The following OLA1 variants were observed in gnomAD, a reference collection of about 807,000 sequenced individuals.
The protein encoded by OLA1 is obg-like ATPase 1.
OLA1 carries 14 observed loss-of-function variants against 48.4 expected under a neutral mutation model. The observed-to-expected ratio is 0.29, with a 90% confidence interval of 0.19 to 0.45. The LOEUF (loss-of-function observed/expected upper bound fraction) is 0.45. Among genes scored for constraint, OLA1 ranks in the 20% least tolerant of loss-of-function variants. The pLI is 1.00. For synonymous variants in OLA1, 127 were observed against 150.4 expected, an observed-to-expected ratio of 0.84 and a Z score of 1.14; for missense variants, 325 against 467.1, an observed-to-expected ratio of 0.70 and a Z score of 2.80.
At chr2:174,151,789 C>T (rs983473375) in intron 4 of OLA1, among the ~76,000 whole-genome samples, 1 of 152,098 alleles carries the variant, frequency 6.6e-6, no homozygotes, top group African/African-American at 2.4e-5. Context: ...CTGGAAAATA[C>T]AAACTCCTAT....
At position 174,218,004 on chromosome 2, in the gene OLA1, C is replaced by CA. The variant is rs1688406348; in HGVS notation, c.373+5028_373+5029insT. ...TCATTCTTGAATCAGTATTCTCTTT[C>CA]TTTTTTTTTTAAAGAAGCAAAGTCT... On this transcript the variant is annotated intron_variant, in intron 4 of 10. Transcript: ENST00000284719. 2.0e-5 allele frequency: 3 copies of CA among 149,420 alleles called. No individual in the cohort carries two copies. The South Asian group carries it at 6.4e-4, about 32-fold the overall frequency. 9.3% of individuals were successfully genotyped at this position (149,420 alleles called of 1,614,324 possible).
intron 4 of OLA1, among the ~76,000 whole-genome samples, chr2:174,165,352 G>A (rs751133320): frequency 3.9e-5 from 6 of 152,172 alleles, no homozygotes; most frequent in Non-Finnish European, 8.8e-5. Flanking sequence ...CATAAGAGGT[G>A]AAAGAAAGGG....
chr2:174,128,715 G>A (rs1196223406), intron 5 of OLA1, among the ~76,000 whole-genome samples: 2 of 148,036 alleles, frequency 1.4e-5, no homozygotes, highest in Admixed American at 6.8e-5. Flanking sequence ...CCAGCCTGGG[G>A]GACAAGAGCA....
At chr2:174,192,258 GATTT>G (rs1451634220) in intron 4 of OLA1, among the ~76,000 whole-genome samples, 1 of 152,076 alleles carries the variant, frequency 6.6e-6, no homozygotes, top group Non-Finnish European at 1.5e-5. Flanking sequence ...TCAGATTTTG[GATTT>G]ATTTTGGATT....
At chr2:174,115,282 C>T (rs1330023088) in intron 7 of OLA1, among the ~76,000 whole-genome samples, 1 of 152,110 alleles carries the variant, frequency 6.6e-6, no homozygotes, top group African/African-American at 2.4e-5. Flanking sequence ...TGAAGTTGTA[C>T]ATCGAGGGGC....
chr2:174,192,289 A>C (rs549016819), intron 4 of OLA1, among the ~76,000 whole-genome samples: 1 of 152,340 alleles, frequency 6.6e-6, no homozygotes, highest in African/African-American at 2.4e-5. Flanking sequence ...TATGTGCATT[A>C]TACTTATCAG....
intron 4 of OLA1, among the ~76,000 whole-genome samples, chr2:174,205,505 A>C (rs762113114): frequency 1.3e-4 from 20 of 152,200 alleles, no homozygotes; most frequent in Non-Finnish European, 2.4e-4. Context: ...AACTGAACAG[A>C]AGGTGGATAC....
chr2:174,217,292 G>A (rs1251068739), intron 4 of OLA1, among the ~76,000 whole-genome samples: 1 of 151,618 alleles, frequency 6.6e-6, no homozygotes, highest in Admixed American at 6.6e-5. Context: ...TCGCACTCCT[G>A]GGCTCAACTA....
intron 4 of OLA1, among the ~76,000 whole-genome samples, chr2:174,183,055 T>C (rs1018429442): frequency 6.9e-6 from 1 of 144,084 alleles, no homozygotes; most frequent in Non-Finnish European, 1.5e-5. Context: ...AAAAACGTCA[T>C]TTTTTTTTAA....
chr2:174,207,705 A>G (rs1340220626), intron 4 of OLA1, among the ~76,000 whole-genome samples: 1 of 152,238 alleles, frequency 6.6e-6, no homozygotes, highest in Non-Finnish European at 1.5e-5. Context: ...TTATTCAAAA[A>G]AATTGATATG....
intron 5 of OLA1, among the ~76,000 whole-genome samples, chr2:174,135,446 A>G (rs539338091): frequency 2.0e-5 from 3 of 152,356 alleles, no homozygotes; most frequent in African/African-American, 7.2e-5. Flanking sequence ...CTACAGACAA[A>G]AAGATCAGTT....
chr2:174,149,155 C>A (rs1000349873), intron 4 of OLA1, among the ~76,000 whole-genome samples: 1 of 152,188 alleles, frequency 6.6e-6, no homozygotes, highest in Non-Finnish European at 1.5e-5. Context: ...ACCAAGCTAA[C>A]AAACTGATCT....
intron 4 of OLA1, among the ~76,000 whole-genome samples, chr2:174,173,721 T>C (rs1687358483): frequency 6.6e-6 from 1 of 151,756 alleles, no homozygotes; most frequent in Admixed American, 6.6e-5. Context: ...CCCATAGTCC[T>C]TTAAAAAGCT....
chr2:174,084,063 C>T (rs1684916155), intron 7 of OLA1, among the ~76,000 whole-genome samples: 1 of 152,166 alleles, frequency 6.6e-6, no homozygotes, highest in Admixed American at 6.5e-5. Context: ...ACTTACAAAT[C>T]ATTCCTCTAC....
chr2:174,100,370 A>T (rs1685362706), intron 7 of OLA1, among the ~76,000 whole-genome samples: 1 of 152,120 alleles, frequency 6.6e-6, no homozygotes, highest in South Asian at 2.1e-4. Context: ...TTTTGTATGT[A>T]TATTTATATA....
At chr2:174,166,311 A>G (rs1687163669) in intron 4 of OLA1, among the ~76,000 whole-genome samples, 1 of 152,188 alleles carries the variant, frequency 6.6e-6, no homozygotes, top group African/African-American at 2.4e-5. Context: ...GGAAGAAAAT[A>G]TGATAGAGCC....
chr2:174,216,789 C>A (rs748895853), intron 4 of OLA1, among the ~76,000 whole-genome samples: 1 of 152,096 alleles, frequency 6.6e-6, no homozygotes, highest in Non-Finnish European at 1.5e-5. Flanking sequence ...CTCAAGCAAT[C>A]CTCCTCCCTC....
intron 4 of OLA1, among the ~76,000 whole-genome samples, chr2:174,165,283 T>G (rs1574521935): frequency 6.6e-6 from 1 of 151,978 alleles, no homozygotes; most frequent in African/African-American, 2.4e-5. Context: ...AAAACAAGGG[T>G]GGAATGCATA....
At chr2:174,123,475 A>G in intron 6 of OLA1, 120 bp downstream of exon 6, 1 of 654,110 alleles carries the variant, frequency 1.5e-6, no homozygotes, top group Non-Finnish European at 2.6e-6. Flanking sequence ...GGAATAAGCA[A>G]TCACTGACAG....
Sources: allele counts gnomAD v4.1 joint callset (sites outside exome capture counted in the v4.1 genomes callset), GRCh38; gene constraint gnomAD v4.1.1; transcripts MANE v1.5; gene names NCBI Gene and HGNC (gene_info 2026-07-23, HGNC 2026-07-21).